The following CSMD1 variants were observed in gnomAD, a reference collection of about 807,000 sequenced individuals.
CSMD1 encodes CUB and sushi domain-containing protein 1.
Under a neutral mutation model 417.5 loss-of-function variants are expected in CSMD1, and 213 were observed. The ratio of observed to expected loss-of-function variants is 0.51; its 90% CI spans 0.46 to 0.57. The LOEUF (loss-of-function observed/expected upper bound fraction) is 0.57, where lower values mean the gene tolerates loss of function less well. Ranked by LOEUF, CSMD1 falls within the 20% of genes least tolerant of loss-of-function variation. CSMD1 has a pLI of 0.00. For synonymous variants in CSMD1, 2,862 were observed against 1,736.8 expected (o/e 1.65, Z -16.11); for missense variants, 6,923 against 4,529.7 (o/e 1.53, Z -15.17).
intron 1 of CSMD1, among the ~76,000 whole-genome samples, chr8:4,668,415 C>CATTATTATTATT (rs35735246): frequency 2.0e-3 from 261 of 129,990 alleles, no homozygotes; most frequent in East Asian, 5.3e-3. Context: ...TGATGTTTTC[C>CATTATTATTATT]ATTATTATTA....
intron 3 of CSMD1, among the ~76,000 whole-genome samples, chr8:4,386,638 G>T (rs1197650530): frequency 2.6e-5 from 4 of 152,230 alleles, no homozygotes; most frequent in Non-Finnish European, 5.9e-5. Flanking sequence ...GCAAGCCATG[G>T]GAGTTATCTC....
At chr8:3,262,178 C>T (rs1248953227) in intron 26 of CSMD1, among the ~76,000 whole-genome samples, 3 of 89,476 alleles carry the variant, frequency 3.4e-5, no homozygotes, top group African/African-American at 1.5e-4. Flanking sequence ...AAATTATGCT[C>T]ATATGAATAT....
At chr8:3,393,655 A>C (rs1316829910) in intron 17 of CSMD1, among the ~76,000 whole-genome samples, 1 of 152,140 alleles carries the variant, frequency 6.6e-6, no homozygotes, top group Non-Finnish European at 1.5e-5. Context: ...AATAGTATGC[A>C]ACCATAAAAA....
At chr8:4,925,581 C>CT (rs1417069005) in intron 1 of CSMD1, among the ~76,000 whole-genome samples, 4 of 149,216 alleles carry the variant, frequency 2.7e-5, no homozygotes, top group Non-Finnish European at 4.4e-5. Context: ...GAGTCTCGCT[C>CT]TGTCTCCCAG....
At chr8:3,593,233 G>A (rs558762875) in intron 8 of CSMD1, among the ~76,000 whole-genome samples, 1 of 152,238 alleles carries the variant, frequency 6.6e-6, no homozygotes, top group Non-Finnish European at 1.5e-5. Flanking sequence ...TGAGGAGACA[G>A]AACAAGACAG....
rs1031733805 is a variant in CSMD1, at chr8:4,295,496, A to G, written c.415+124457T>C. On this transcript the variant is annotated intron_variant, in intron 3 of 69. Transcript: ENST00000635120. ...TACACATATAATCTTAAGATTAAAT[A>G]TATCTTATACACATATAATCTTATA... Among the ~76,000 whole-genome samples, 153 of 140,466 alleles carry G rather than the reference A, an allele frequency of 1.1e-3. 1 individual carries two copies. Among genetic ancestry groups the G allele is most frequent in the Non-Finnish European group, 6.9e-4 (45 of 65,216 alleles). 92.2% of individuals were successfully genotyped at this position (140,466 alleles called of 152,430 possible).
chr8:3,994,886 T>C (rs1284486813), intron 5 of CSMD1, among the ~76,000 whole-genome samples: 1 of 152,172 alleles, frequency 6.6e-6, no homozygotes. Context: ...CCCTTGCTTA[T>C]ATGCCCTTTT....
intron 1 of CSMD1, among the ~76,000 whole-genome samples, chr8:4,895,376 T>A (rs1804415645): frequency 6.6e-6 from 1 of 152,158 alleles, no homozygotes; most frequent in African/African-American, 2.4e-5. Flanking sequence ...TTTAGCTCAG[T>A]ATGATGCACC....
intron 3 of CSMD1, among the ~76,000 whole-genome samples, chr8:4,246,446 G>C (rs578162542): frequency 2.0e-5 from 3 of 152,146 alleles, no homozygotes; most frequent in Admixed American, 6.5e-5. Flanking sequence ...CATTTTCTTC[G>C]TATGGTACCT....
intron 7 of CSMD1, among the ~76,000 whole-genome samples, chr8:3,639,206 G>A (rs1276530367): frequency 6.6e-6 from 1 of 152,204 alleles, no homozygotes; most frequent in East Asian, 1.9e-4. Context: ...TAAAGACACA[G>A]GCCTTGAGGT....
At chr8:4,238,692 A>G (rs1802212121) in intron 3 of CSMD1, among the ~76,000 whole-genome samples, 1 of 152,156 alleles carries the variant, frequency 6.6e-6, no homozygotes, top group South Asian at 2.1e-4. Flanking sequence ...GGCCCTCAAT[A>G]CCTGTTAGCT....
At chr8:4,974,774 A>C (rs144897248) in intron 1 of CSMD1, among the ~76,000 whole-genome samples, 136 of 152,270 alleles carry the variant, frequency 8.9e-4, no homozygotes, top group African/African-American at 3.2e-3. Flanking sequence ...TTTGAGCCTC[A>C]AATCTTTGTC....
chr8:4,708,092 T>A (rs1026069778), intron 1 of CSMD1, among the ~76,000 whole-genome samples: 1 of 151,624 alleles, frequency 6.6e-6, no homozygotes, highest in Non-Finnish European at 1.5e-5. Flanking sequence ...AACAGGCATC[T>A]GCCAATACAC....
At chr8:3,345,108 A>G (rs1188630050) in intron 22 of CSMD1, among the ~76,000 whole-genome samples, 2 of 152,232 alleles carry the variant, frequency 1.3e-5, no homozygotes, top group East Asian at 3.9e-4. Context: ...AGAAATCCAT[A>G]AAGATGGGGA....
intron 3 of CSMD1, among the ~76,000 whole-genome samples, chr8:4,358,499 T>C (rs1801563590): frequency 6.6e-6 from 1 of 152,222 alleles, no homozygotes; most frequent in Non-Finnish European, 1.5e-5. Context: ...ATGTCTCCTT[T>C]TGCGATACCA....
intron 3 of CSMD1, among the ~76,000 whole-genome samples, chr8:4,130,310 C>T (rs992224902): frequency 6.6e-6 from 1 of 152,090 alleles, no homozygotes; most frequent in South Asian, 2.1e-4. Flanking sequence ...GGTATAATCC[C>T]CAAATATGCC....
chr8:3,945,627 C>G (rs1416519675), intron 5 of CSMD1, among the ~76,000 whole-genome samples: 1 of 152,114 alleles, frequency 6.6e-6, no homozygotes, highest in Non-Finnish European at 1.5e-5. Context: ...TACTGGTTAA[C>G]TCACAGTATT....
At chr8:3,421,507 A>G (rs1023224767) in intron 12 of CSMD1, among the ~76,000 whole-genome samples, 3 of 152,248 alleles carry the variant, frequency 2.0e-5, no homozygotes, top group African/African-American at 7.2e-5. Flanking sequence ...AGGAGTTCTC[A>G]CTATGAAAAT....
At chr8:4,020,390 G>A (rs868037140) in intron 4 of CSMD1, among the ~76,000 whole-genome samples, 4 of 152,172 alleles carry the variant, frequency 2.6e-5, no homozygotes, top group Non-Finnish European at 5.9e-5. Context: ...TCCTTAAACT[G>A]ACACTGAGCA....
Sources: gnomAD v4.1 joint callset for allele counts (sites outside exome capture counted in the v4.1 genomes callset) on GRCh38, gnomAD v4.1.1 for gene constraint, MANE v1.5 for transcripts, NCBI Gene and HGNC (gene_info 2026-07-23, HGNC 2026-07-21) for gene names.